SYN3: variants seen among roughly 807,000 people sequenced by gnomAD.
SYN3 encodes the protein synapsin-3.
SYN3 carries 35 observed loss-of-function variants against 65.8 expected under a neutral mutation model. That is an observed-to-expected ratio of 0.53 (90% CI 0.41 to 0.70). SYN3 has a LOEUF of 0.70. Among genes scored for constraint, SYN3 ranks in the 30% least tolerant of loss-of-function variants. SYN3 has a pLI of 0.00. For missense variants in SYN3, 680 were observed against 749.0 expected, an observed-to-expected ratio of 0.91 and a Z score of 1.08; for synonymous variants, 270 against 292.9, an observed-to-expected ratio of 0.92 and a Z score of 0.80.
At chr22:32,585,529 T>G (rs1183413967) in intron 7 of SYN3, among the ~76,000 whole-genome samples, 1 of 152,210 alleles carries the variant, frequency 6.6e-6, no homozygotes, top group Non-Finnish European at 1.5e-5. Flanking sequence ...TGGTTACTGC[T>G]GGCCCCAGGG....
chr22:33,052,176 C>T (rs985963169), intron 1 of SYN3, among the ~76,000 whole-genome samples: 2 of 152,308 alleles, frequency 1.3e-5, no homozygotes, highest in East Asian at 1.9e-4. Context: ...CCGCACCCCA[C>T]GGCTCCTTCC....
intron 12 of SYN3, among the ~76,000 whole-genome samples, chr22:32,527,145 A>G (rs769274222): frequency 2.0e-5 from 3 of 152,220 alleles, no homozygotes; most frequent in African/African-American, 2.4e-5. Context: ...CCAAGGTTTT[A>G]TAGATGATCT....
intron 7 of SYN3, among the ~76,000 whole-genome samples, chr22:32,565,438 T>TAC (rs1488645588): frequency 6.6e-6 from 1 of 151,816 alleles, no homozygotes; most frequent in African/African-American, 2.4e-5. Flanking sequence ...TACATATATA[T>TAC]ACACACACAT....
chr22:32,698,844 GAT>G (rs1453592005), intron 6 of SYN3, among the ~76,000 whole-genome samples: 1 of 152,192 alleles, frequency 6.6e-6, no homozygotes, highest in Middle Eastern at 3.2e-3. Flanking sequence ...ACTTGAAGAA[GAT>G]ATGGGACATT....
In SYN3 at chr22:32,939,337, T is replaced by G. The variant is rs116438523; in HGVS notation, c.370-7856A>C. On this transcript the variant is annotated intron_variant, in intron 3 of 13. Coordinates refer to ENST00000358763, the MANE Select transcript of SYN3 (RefSeq NM_003490.4). ...AAGGTAAATGATGATGAGGTAAGGA[T>G]GTACATTTTAAACCATAGAACAGTG... Among the ~76,000 whole-genome samples, 1,407 of 152,258 alleles carry G rather than the reference T, an allele frequency of 9.2e-3. 22 individuals carry two copies. Among genetic ancestry groups the G allele is most frequent in the African/African-American group, 0.033 (1,352 of 41,548 alleles).
chr22:32,863,045 C>T (rs1200595333), intron 6 of SYN3: 1 of 152,646 alleles, frequency 6.6e-6, no homozygotes, highest in Admixed American at 6.5e-5. Context: ...TATCACACAT[C>T]TGCTGTCTCT....
At chr22:32,651,506 C>T (rs3827337) in intron 6 of SYN3, among the ~76,000 whole-genome samples, 26,787 of 152,010 alleles carry the variant, frequency 0.18, 3,391 homozygotes, top group East Asian at 0.68. Context: ...GGCATGATCG[C>T]TCCTCTGGCT....
intron 11 of SYN3, 126 bp downstream of exon 11, chr22:32,528,748 C>A: frequency 7.3e-7 from 1 of 1,363,250 alleles, no homozygotes; most frequent in Non-Finnish European, 9.9e-7. Flanking sequence ...CGTCCACACC[C>A]CCATTCCTTC....
At chr22:32,525,070 T>C (rs1163962893) in intron 12 of SYN3, among the ~76,000 whole-genome samples, 2 of 152,242 alleles carry the variant, frequency 1.3e-5, no homozygotes, top group Non-Finnish European at 2.9e-5. Flanking sequence ...ATTCCTCTGA[T>C]GGATCTTGGC....
chr22:32,643,477 CA>C (rs1207490805), intron 6 of SYN3, among the ~76,000 whole-genome samples: 1 of 132,614 alleles, frequency 7.5e-6, no homozygotes, highest in African/African-American at 2.9e-5. Context: ...AGCCTTCTGC[CA>C]AAAGCCCAGA....
At chr22:33,014,864 G>T in intron 1 of SYN3, 1 of 163,296 alleles carries the variant, frequency 6.1e-6, no homozygotes. Flanking sequence ...GAAAGTGCGT[G>T]AGTGGAAGGT....
At chr22:32,567,892 C>T (rs2053651913) in intron 7 of SYN3, among the ~76,000 whole-genome samples, 1 of 152,202 alleles carries the variant, frequency 6.6e-6, no homozygotes. Flanking sequence ...TCCCTGCCTC[C>T]CTCCTCCTTC....
intron 6 of SYN3, among the ~76,000 whole-genome samples, chr22:32,793,358 T>C (rs1375626866): frequency 6.6e-6 from 1 of 152,216 alleles, no homozygotes; most frequent in East Asian, 1.9e-4. Context: ...TTCAACTTGG[T>C]AACCCACAGC....
chr22:32,587,356 TG>T (rs900393417), intron 7 of SYN3, among the ~76,000 whole-genome samples: 1 of 143,160 alleles, frequency 7.0e-6, no homozygotes. Flanking sequence ...CAGTGGGTGT[TG>T]GGGGGGAGGG....
chr22:32,890,443 T>C (rs2049412932), intron 4 of SYN3, among the ~76,000 whole-genome samples: 1 of 151,906 alleles, frequency 6.6e-6, no homozygotes, highest in Non-Finnish European at 1.5e-5. Flanking sequence ...TGCAGTGGCA[T>C]GATCTTGGCT....
rs2046996632 is a variant in SYN3 at position 32,814,139 on chromosome 22, TGTGAGAGA to T, written c.711+50768_711+50775del. Among the ~76,000 whole-genome samples the T allele has an allele frequency of 7.7e-5, 7 of 90,514 alleles. No homozygotes were observed. The South Asian group carries it at 2.6e-3, about 33-fold the overall frequency. 59.4% of individuals were successfully genotyped at this position (90,514 alleles called of 152,430 possible). A position where few individuals can be genotyped will look rare whatever the true frequency, so the allele number is the denominator to read the frequency against. On this transcript the variant is annotated intron_variant, in intron 6 of 13. Coordinates refer to ENST00000358763, the MANE Select transcript of SYN3 (RefSeq NM_003490.4). ...GTGTGTGTGTGTGTGTGTGTGTGTG[TGTGAGAGA>T]GAGAGAGAGAGAGAGAGAGAAAGAG...
At chr22:33,057,921 G>A (rs570358152) in intron 1 of SYN3, 3 of 152,648 alleles carry the variant, frequency 2.0e-5, no homozygotes, top group Admixed American at 2.0e-4. Flanking sequence ...GCAGAGCAGA[G>A]GTCCGGCCGC....
chr22:32,596,470 A>G (rs890921027), intron 7 of SYN3, among the ~76,000 whole-genome samples: 1 of 152,182 alleles, frequency 6.6e-6, no homozygotes, highest in Non-Finnish European at 1.5e-5. Flanking sequence ...GCAAGGATGG[A>G]CTGAACTGGA....
rs555973504 is a variant in SYN3 at position 32,768,420 on chromosome 22, C to G, written c.711+96495G>C. ...TCCCAAGTTTATGCCCAACTCTCTT[C>G]TCTTTATATTTCTTTCCTGGGAGAC... On this transcript the variant is annotated intron_variant, in intron 6 of 13. Transcript: ENST00000358763. 9.9e-5 allele frequency among the ~76,000 whole-genome samples: 15 copies of G among 152,284 alleles called. No homozygotes were observed. In the East Asian group the frequency reaches 2.9e-3, roughly 29 times the overall value.
Sources: gnomAD v4.1 joint callset for allele counts (sites outside exome capture counted in the v4.1 genomes callset) on GRCh38, gnomAD v4.1.1 for gene constraint, MANE v1.5 for transcripts, NCBI Gene and HGNC (gene_info 2026-07-23, HGNC 2026-07-21) for gene names.